Variants in PHF14 observed in about 807,000 individuals in gnomAD.
PHF14 encodes PHD finger protein 14.
PHF14 carries 55 observed loss-of-function variants against 117.9 expected under a neutral mutation model. That is an observed-to-expected ratio of 0.47 (90% CI 0.38 to 0.58). The LOEUF (loss-of-function observed/expected upper bound fraction) is 0.58, where lower values mean the gene tolerates loss of function less well. PHF14 is among the 20% of genes least tolerant of loss of function. The pLI, the probability that PHF14 is intolerant of heterozygous loss-of-function variation, is 0.00. For missense variants in PHF14, 978 were observed against 1,122.2 expected (o/e 0.87, Z 1.84); for synonymous variants, 409 against 368.6 (o/e 1.11, Z -1.26).
chr7:11,068,118 A>G (rs1439513835), intron 16 of PHF14, among the ~76,000 whole-genome samples: 1 of 152,148 alleles, frequency 6.6e-6, no homozygotes, highest in East Asian at 1.9e-4. Flanking sequence ...CGGAAGGCCA[A>G]GGCAGGTGAA....
intron 17 of PHF14, among the ~76,000 whole-genome samples, chr7:11,145,211 T>C (rs1057015766): frequency 3.2e-4 from 49 of 152,062 alleles, no homozygotes; most frequent in Non-Finnish European, 6.3e-4. Context: ...AAAATATTCC[T>C]GATATTTTTA....
chr7:11,027,195 G>T (rs1258045554), intron 6 of PHF14, among the ~76,000 whole-genome samples: 8 of 152,030 alleles, frequency 5.3e-5, no homozygotes, highest in Non-Finnish European at 1.0e-4. Flanking sequence ...TTCACAGTGT[G>T]GACATCCTTT....
chr7:11,088,618 A>T (rs953095327), intron 16 of PHF14, among the ~76,000 whole-genome samples: 1 of 152,014 alleles, frequency 6.6e-6, no homozygotes, highest in African/African-American at 2.4e-5. Flanking sequence ...TAGTCATGAA[A>T]TTTTTTTTAA....
Position 11,167,374 on chromosome 7 carries a change from A to G in PHF14, c.2773-2042A>G, listed in dbSNP as rs1293345011. ...TGTTATATAGTAAGTTAAGATTGCTAGAAGTGTGAGTACTAGCAATCTTAA... is the reference window on the plus strand; with the variant it reads ...TGTTATATAGTAAGTTAAGATTGCTGGAAGTGTGAGTACTAGCAATCTTAA... On this transcript the variant is annotated intron_variant, in intron 17 of 17. Coordinates refer to ENST00000634607, the MANE Select transcript of PHF14 (RefSeq NM_001007157.2). Among the ~76,000 whole-genome samples the G allele has an allele frequency of 2.0e-5, 3 of 152,214 alleles. 1 individual carries two copies. Among genetic ancestry groups the G allele is most frequent in the South Asian group, 4.1e-4 (2 of 4,832 alleles).
At position 10,982,816 on chromosome 7, in the gene PHF14, G is replaced by A. The variant is rs773111976; in HGVS notation, c.557G>A (p.Arg186Gln). ...AGCGAGCCAAAAAAATGGAACCTTC[G>A]ACGAAACCGACCACTTCTGGATTTT... ...QVSEPKKWNL[R>Q]RNRPLLDFVS... is the part of the protein sequence containing the mutation. Residue 186 changes from arginine to glutamine, a missense_variant, in exon 3 of 18, where the codon CGA (arginine) becomes CAA (glutamine). Around this residue, in one of 7 missense-constraint regions of PHF14, gnomAD observed 414 missense variants for 376.4 expected, o/e 1.10. Transcript: ENST00000634607. 1 of 1,613,816 alleles carries A rather than the reference G, an allele frequency of 6.2e-7. No homozygotes were observed. The highest frequency in any genetic ancestry group is 1.1e-5 in the South Asian group (1 of 91,066).
At chr7:11,166,505 C>G (rs1789205304) in intron 17 of PHF14, among the ~76,000 whole-genome samples, 1 of 152,104 alleles carries the variant, frequency 6.6e-6, no homozygotes, top group Admixed American at 6.6e-5. Flanking sequence ...TAATCTGGAA[C>G]TGCGTATAAA....
chr7:11,069,211 C>A (rs1007037377), intron 16 of PHF14, among the ~76,000 whole-genome samples: 4 of 152,062 alleles, frequency 2.6e-5, no homozygotes, highest in Admixed American at 2.6e-4. Flanking sequence ...CACCCCCAAC[C>A]CCAACCAGCA....
Position 10,983,090 on chromosome 7 carries a change from C to T in PHF14, c.831C>T (p.Ser277=). The change falls in exon 3 of 18, where the codon AGC becomes AGT. Residue 277 remains serine, a synonymous_variant. Transcript: ENST00000634607. ...AGAAGAAGAAGAGTAAAGTTCTTAG[C>T]AGAAACAGTGCTGATGATGAGGAAC... ...GCKKKKSKVL[S]RNSADDEELT... is the part of the protein sequence containing the mutation. 6.3e-7 allele frequency: 1 copy of T among 1,599,210 alleles called. No individual in the cohort carries two copies. Among genetic ancestry groups the T allele is most frequent in the Non-Finnish European group, 8.5e-7 (1 of 1,179,562 alleles).
At chr7:10,986,981 AT>A (rs888610186) in intron 3 of PHF14, among the ~76,000 whole-genome samples, 1 of 152,008 alleles carries the variant, frequency 6.6e-6, no homozygotes, top group African/African-American at 2.4e-5. Context: ...GCTGAGTAGA[AT>A]TTTTTTTCCA....
chr7:11,082,247 G>A (rs1447558161), intron 16 of PHF14, among the ~76,000 whole-genome samples: 1 of 152,148 alleles, frequency 6.6e-6, no homozygotes, highest in African/African-American at 2.4e-5. Flanking sequence ...TTAGGAGGCT[G>A]AGGTGGGAGG....
intron 17 of PHF14, among the ~76,000 whole-genome samples, chr7:11,136,823 T>C (rs1026467213): frequency 3.3e-5 from 5 of 152,152 alleles, no homozygotes; most frequent in Non-Finnish European, 7.4e-5. Flanking sequence ...GACCAAACAT[T>C]TGTGGTCTAA....
intron 11 of PHF14, among the ~76,000 whole-genome samples, chr7:11,040,238 G>T (rs1356775003): frequency 1.3e-5 from 2 of 152,026 alleles, no homozygotes; most frequent in African/African-American, 2.4e-5. Flanking sequence ...AACCCAAAGA[G>T]AATCTCACTT....
Position 11,088,414 on chromosome 7 carries a change from A to AGACG in PHF14, c.2655-22936_2655-22935insGACG, listed in dbSNP as rs1786504229. The stretch of plus-strand genomic sequence containing the variant: ...TTCACATACACACAAACACACACAC[A>AGACG]CACGCACACACACACACAGTCCTAT... On this transcript the variant is annotated intron_variant, in intron 16 of 17. Transcript: ENST00000634607. Among the ~76,000 whole-genome samples the AGACG allele has an allele frequency of 4.5e-4, 57 of 127,910 alleles. No homozygotes were observed. In the South Asian group the frequency reaches 0.015, roughly 33 times the overall value. 83.9% of individuals were successfully genotyped at this position (127,910 alleles called of 152,430 possible). A position where few individuals can be genotyped will look rare whatever the true frequency, so the allele number is the denominator to read the frequency against.
chr7:11,055,853 G>C (rs537578603), intron 14 of PHF14, among the ~76,000 whole-genome samples: 209 of 65,034 alleles, frequency 3.2e-3, no homozygotes, highest in African/African-American at 9.2e-3. Flanking sequence ...TTAGATGTTA[G>C]TTTAGGAAAA....
rs751954656 is a variant in PHF14 at position 11,026,108 on chromosome 7, TCA to T, written c.1318-2572_1318-2571del. On this transcript the variant is annotated intron_variant, in intron 6 of 17. Coordinates refer to ENST00000634607, the MANE Select transcript of PHF14 (RefSeq NM_001007157.2). ...GCCTGGGTGACAGTGTGAGACTCCA[TCA>T]AAAAAAAAAAAAAAAAAGAGAGAGA... Among the ~76,000 whole-genome samples, 229 of 126,036 alleles carry T rather than the reference TCA, an allele frequency of 1.8e-3. 3 individuals are homozygous for T. The highest frequency in any genetic ancestry group is 4.1e-3 in the Middle Eastern group (1 of 246). 82.7% of individuals were successfully genotyped at this position (126,036 alleles called of 152,430 possible).
intron 16 of PHF14, among the ~76,000 whole-genome samples, chr7:11,068,159 GC>G (rs1785486388): frequency 6.6e-6 from 1 of 151,952 alleles, no homozygotes; most frequent in South Asian, 2.1e-4. Flanking sequence ...GACCATCCTG[GC>G]TAACACAGTG....
chr7:11,103,378 G>A (rs1787155106), intron 16 of PHF14: 1 of 970,030 alleles, frequency 1.0e-6, no homozygotes, highest in African/African-American at 1.8e-5. Context: ...GAAATAAGGA[G>A]GGAAGTACAA....
intron 14 of PHF14, among the ~76,000 whole-genome samples, chr7:11,054,216 T>C (rs1455287563): frequency 6.6e-6 from 1 of 152,108 alleles, no homozygotes; most frequent in Non-Finnish European, 1.5e-5. Context: ...GGGTATTTGT[T>C]GAAATGTAGA....
chr7:10,994,903 G>A (rs1205584036), intron 4 of PHF14, among the ~76,000 whole-genome samples: 1 of 152,158 alleles, frequency 6.6e-6, no homozygotes, highest in Non-Finnish European at 1.5e-5. Flanking sequence ...AGTGTGGAAG[G>A]GGACCCGAGC....
Sources: gnomAD v4.1 joint callset for allele counts (sites outside exome capture counted in the v4.1 genomes callset) on GRCh38, gnomAD v4.1.1 for gene constraint, gnomAD v4.1.1 regional missense constraint, MANE v1.5 for transcripts, NCBI Gene and HGNC (gene_info 2026-07-23, HGNC 2026-07-21) for gene names.